ZNF469: variants seen among roughly 807,000 people sequenced by gnomAD.
ZNF469 encodes zinc finger protein 469.
In ZNF469, 1 loss-of-function variant was observed where a neutral mutation model predicts 1.0. That is an observed-to-expected ratio of 1.00 (90% CI 0.35 to 4.73). ZNF469 has a LOEUF of 4.73. Ranked by LOEUF, ZNF469 falls within the 30% of genes most tolerant of loss-of-function variation. The pLI, the probability that ZNF469 is intolerant of heterozygous loss-of-function variation, is 0.16. For synonymous variants in ZNF469, 2,703 were observed against 2,363.4 expected (o/e 1.14, Z -4.17); for missense variants, 6,100 against 5,356.3 (o/e 1.14, Z -4.33).
the ZNF469 span, among the ~76,000 whole-genome samples, chr16:88,341,156 T>C: frequency 6.6e-6 from 1 of 152,332 alleles, no homozygotes; most frequent in African/African-American, 2.4e-5. Flanking sequence ...TCTACCTATT[T>C]TGTACAATCC....
the ZNF469 span, among the ~76,000 whole-genome samples, chr16:88,229,580 G>GATGCCACGCGTGTGT: frequency 0.067 from 7,287 of 109,512 alleles, 220 homozygotes; most frequent in Middle Eastern, 0.1. Context: ...CTTGTGCGCT[G>GATGCCACGCGTGTGT]ATGTCACGCG....
At chr16:88,185,318 C>T in the ZNF469 span, among the ~76,000 whole-genome samples, 1 of 152,146 alleles carries the variant, frequency 6.6e-6, no homozygotes, top group Admixed American at 6.5e-5. Context: ...CACAGTCACA[C>T]ATTCACATAC....
chr16:88,409,710 T>C (rs73253615), intron 1 of ZNF469, among the ~76,000 whole-genome samples: 3,322 of 152,314 alleles, frequency 0.022, 145 homozygotes, highest in African/African-American at 0.076. Flanking sequence ...TGTGCAGCTC[T>C]GCGTGAGGAA....
the ZNF469 span, among the ~76,000 whole-genome samples, chr16:88,286,039 T>G: frequency 6.6e-6 from 1 of 152,220 alleles, no homozygotes; most frequent in South Asian, 2.1e-4. Flanking sequence ...CACCTGTGTT[T>G]TAGCCCAGGA....
At chr16:88,193,075 G>A in the ZNF469 span, among the ~76,000 whole-genome samples, 7 of 106,288 alleles carry the variant, frequency 6.6e-5, no homozygotes, top group South Asian at 1.7e-3. Context: ...GATGGTGGTG[G>A]TGGTGATGGT....
At chr16:88,169,072 A>T in the ZNF469 span, among the ~76,000 whole-genome samples, 58 of 152,202 alleles carry the variant, frequency 3.8e-4, no homozygotes, top group African/African-American at 1.3e-3. The surrounding 1 kb of genome is among the most constrained non-coding windows in gnomAD (Gnocchi z 6.1). Context: ...GGTCCCTGGG[A>T]CACCAGGGGA....
the ZNF469 span, among the ~76,000 whole-genome samples, chr16:88,373,978 C>T: frequency 0.041 from 6,193 of 150,780 alleles, 381 homozygotes; most frequent in African/African-American, 0.14. Context: ...AGAGCCTGGG[C>T]AACAGAGTGA....
At position 88,432,543 on chromosome 16, in the gene ZNF469, C is replaced by T. The variant is rs752800323; in HGVS notation, c.5073C>T (p.Asn1691=). 23 of 1,550,290 alleles carry T rather than the reference C, an allele frequency of 1.5e-5. No homozygotes were observed. In the African/African-American group the frequency reaches 3.1e-4, roughly 21 times the overall value. The change falls in exon 3 of 3, where the codon AAC becomes AAT. Residue 1691 remains asparagine, a synonymous_variant. Transcript: ENST00000565624. ...SGAPFSPRGA[N]FHFQPVQKAG... ...CTCCTTTCAGCCCCAGGGGAGCCAACTTCCATTTTCAGCCAGTGCAGAAAG... is the reference window on the plus strand; with the variant it reads ...CTCCTTTCAGCCCCAGGGGAGCCAATTTCCATTTTCAGCCAGTGCAGAAAG...
chr16:88,384,978 C>T (rs1241739232), intron 1 of ZNF469, among the ~76,000 whole-genome samples: 1 of 152,166 alleles, frequency 6.6e-6, no homozygotes, highest in Non-Finnish European at 1.5e-5. Flanking sequence ...CATCCTGAGG[C>T]AGCAGGCAGC....
chr16:88,166,258 T>C, the ZNF469 span, among the ~76,000 whole-genome samples: 1 of 152,362 alleles, frequency 6.6e-6, no homozygotes, highest in South Asian at 2.1e-4. The surrounding 1 kb of genome is among the most constrained non-coding windows in gnomAD (Gnocchi z 4.5). Context: ...ACACTCACTT[T>C]GATCAAATCT....
Position 88,432,287 on chromosome 16 carries a change from C to T in ZNF469, c.4817C>T (p.Pro1606Leu), listed in dbSNP as rs1906252448. ...GAGCTCGGCACAGGCACAGAGCCAC[C>T]CTCCCAACGGCGCACCTGCCAGGCC... ...RVELGTGTEP[P>L]SQRRTCQATV... The change falls in exon 3 of 3, where the codon CCC becomes CTC. Residue 1606 changes from proline (P) to leucine (L), a missense_variant. Transcript: ENST00000565624. 3.2e-6 allele frequency: 5 copies of T among 1,547,214 alleles called. No homozygotes were observed. Among genetic ancestry groups the T allele is most frequent in the Non-Finnish European group, 2.6e-6 (3 of 1,146,958 alleles).
the ZNF469 span, among the ~76,000 whole-genome samples, chr16:88,145,311 G>A: frequency 6.6e-6 from 1 of 152,322 alleles, no homozygotes; most frequent in East Asian, 1.9e-4. Context: ...ATGAATGCAT[G>A]CCACCTGGGG....
chr16:88,227,508 CT>C, the ZNF469 span, among the ~76,000 whole-genome samples: 1 of 92,370 alleles, frequency 1.1e-5, no homozygotes, highest in South Asian at 3.9e-4. Flanking sequence ...GTCTCCCCAT[CT>C]CCCCATCTCC....
upstream of ZNF469, among the ~76,000 whole-genome samples, chr16:88,378,952 G>A (rs534060490): frequency 5.9e-5 from 9 of 152,322 alleles, no homozygotes; most frequent in African/African-American, 1.2e-4. Flanking sequence ...GCAGGGGTGC[G>A]GCCTTGCTCT....
At chr16:88,340,070 A>G in the ZNF469 span, among the ~76,000 whole-genome samples, 1 of 152,080 alleles carries the variant, frequency 6.6e-6, no homozygotes, top group Non-Finnish European at 1.5e-5. Flanking sequence ...AGCCACGGAC[A>G]CCAGTCCTCT....
the ZNF469 span, among the ~76,000 whole-genome samples, chr16:88,200,850 C>A: frequency 7.2e-5 from 11 of 152,262 alleles, no homozygotes; most frequent in African/African-American, 2.4e-4. Context: ...GCAAAGGGGT[C>A]CCCGCCCTCC....
the ZNF469 span, among the ~76,000 whole-genome samples, chr16:88,106,508 C>T: frequency 1.9e-4 from 29 of 152,202 alleles, no homozygotes; most frequent in Non-Finnish European, 3.8e-4. Context: ...CTTTAAAAAC[C>T]GATTCAGAGG....
At chr16:88,141,641 G>A in the ZNF469 span, among the ~76,000 whole-genome samples, 2 of 152,360 alleles carry the variant, frequency 1.3e-5, no homozygotes, top group African/African-American at 4.8e-5. Flanking sequence ...GGGACTGAGC[G>A]AGAGGCCTCC....
chr16:88,306,987 A>G, the ZNF469 span, among the ~76,000 whole-genome samples: 1 of 152,204 alleles, frequency 6.6e-6, no homozygotes, highest in Non-Finnish European at 1.5e-5. Context: ...GCCCTTTATC[A>G]TCAGCTCCTT....
Sources: gnomAD v4.1 joint callset for allele counts (sites outside exome capture counted in the v4.1 genomes callset) on GRCh38, gnomAD v4.1.1 for gene constraint, Gnocchi (gnomAD v3.1) non-coding constraint, MANE v1.5 for transcripts, NCBI Gene and HGNC (gene_info 2026-07-23, HGNC 2026-07-21) for gene names.